Variants in ZNF407 observed in about 807,000 individuals in gnomAD.
ZNF407 encodes the protein zinc finger protein 407.
Under a neutral mutation model 131.2 loss-of-function variants are expected in ZNF407, and 17 were observed. That is an observed-to-expected ratio of 0.13 (90% CI 0.09 to 0.19). ZNF407 has a LOEUF of 0.19. Among genes scored for constraint, ZNF407 ranks in the 10% least tolerant of loss-of-function variants. The pLI, the probability that ZNF407 is intolerant of heterozygous loss-of-function variation, is 1.00. For missense variants in ZNF407, 2,681 were observed against 2,830.6 expected (o/e 0.95, Z 1.20); for synonymous variants, 1,156 against 1,062.0 (o/e 1.09, Z -1.72).
chr18:74,935,858 G>T (rs1052977109), intron 8 of ZNF407, among the ~76,000 whole-genome samples: 1 of 152,164 alleles, frequency 6.6e-6, no homozygotes, highest in Non-Finnish European at 1.5e-5. Flanking sequence ...AGAAGAGGCT[G>T]AATAATACTT....
intron 4 of ZNF407, among the ~76,000 whole-genome samples, chr18:74,800,688 C>T (rs1970004841): frequency 6.6e-6 from 1 of 152,106 alleles, no homozygotes; most frequent in African/African-American, 2.4e-5. Context: ...TCATTGGAAG[C>T]ATATATAAAC....
At position 74,635,105 on chromosome 18, in the gene ZNF407, A is replaced by G. The variant is rs770689517; in HGVS notation, c.4086A>G (p.Arg1362=). The change falls in exon 2 of 9, where the codon AGA becomes AGG. Residue 1362 remains arginine, a synonymous_variant. Transcript: ENST00000299687. This position sits in a 1 kb window ranked among gnomAD's most constrained non-coding sequence, Gnocchi z 4.7. ...SFGRFDSSII[R]IKNPEDGELI... is the part of the protein sequence containing the mutation. ...GTCGATTTGACTCCTCCATAATAAG[A>G]ATAAAGAACCCTGAAGATGGTGAGT... The G allele has an allele frequency of 5.0e-6, 8 of 1,613,932 alleles. No homozygotes were observed. The South Asian group carries it at 6.6e-5, about 13-fold the overall frequency.
intron 3 of ZNF407, among the ~76,000 whole-genome samples, chr18:74,685,849 C>G (rs1274651797): frequency 6.6e-6 from 1 of 152,144 alleles, no homozygotes; most frequent in Non-Finnish European, 1.5e-5. Context: ...TTCCCTTTGC[C>G]CCCATGGCAT....
intron 8 of ZNF407, among the ~76,000 whole-genome samples, chr18:75,014,801 A>G (rs1384511264): frequency 1.3e-5 from 2 of 152,108 alleles, no homozygotes; most frequent in African/African-American, 4.8e-5. Context: ...TTTCTTTAAA[A>G]CACTTAAGAA....
rs373243778 is a variant in ZNF407, at chr18:74,634,740, G to A, written c.3721G>A (p.Gly1241Arg). 3 of 1,613,950 alleles carry A rather than the reference G, an allele frequency of 1.9e-6. No homozygotes were observed. Among genetic ancestry groups the A allele is most frequent in the South Asian group, 2.2e-5 (2 of 91,092 alleles). ...TGAAGGAGGAAACGCAGGAGACGGT[G>A]GAGGTGTTGTCCCCCACAGACACCT... is the stretch of plus-strand genomic sequence containing the variant. ...EGEGGNAGDG[G>R]GVVPHRHLCP... The change falls in exon 2 of 9, where the codon GGA becomes AGA. Residue 1241 changes from glycine (G) to arginine (R), a missense_variant. Gly to Arg is a moderately radical substitution (Grantham distance 125). Coordinates refer to ENST00000299687, the MANE Select transcript of ZNF407 (RefSeq NM_017757.3).
intron 8 of ZNF407, among the ~76,000 whole-genome samples, chr18:74,932,174 A>G (rs151207589): frequency 1.1e-4 from 17 of 152,320 alleles, no homozygotes; most frequent in Non-Finnish European, 2.5e-4. Context: ...ATTACACTTT[A>G]CATTTAGTTC....
rs773939698 is a variant in ZNF407 at position 74,776,944 on chromosome 18, G to A, written c.4803-4484G>A. Among the ~76,000 whole-genome samples, 29 of 152,306 alleles carry A rather than the reference G, an allele frequency of 1.9e-4. No individual in the cohort carries two copies. In the Middle Eastern group the frequency reaches 0.027, roughly 143 times the overall value. On this transcript the variant is annotated intron_variant, in intron 3 of 8. Transcript: ENST00000299687. ...TTCATCCTTTTGATCGTCGCATTAA[G>A]TGGGCTGAGGAGTAGGAGGGAGAGG...
chr18:74,853,754 C>G (rs995728374), intron 4 of ZNF407, among the ~76,000 whole-genome samples: 3 of 152,068 alleles, frequency 2.0e-5, no homozygotes, highest in African/African-American at 7.2e-5. Flanking sequence ...ACTGTGTACC[C>G]ACCCAGCAAT....
intron 1 of ZNF407, among the ~76,000 whole-genome samples, chr18:74,606,337 T>C (rs1568311534): frequency 6.6e-6 from 1 of 152,250 alleles, no homozygotes; most frequent in Non-Finnish European, 1.5e-5. Flanking sequence ...AGAACTATTA[T>C]GAAGAAAATC....
At chr18:74,948,321 A>C (rs900302601) in intron 8 of ZNF407, among the ~76,000 whole-genome samples, 1 of 152,192 alleles carries the variant, frequency 6.6e-6, no homozygotes, top group Non-Finnish European at 1.5e-5. Flanking sequence ...CGTTAATACA[A>C]GTTGTCCACT....
At chr18:75,032,833 A>G in intron 8 of ZNF407, among the ~76,000 whole-genome samples, 1 of 142,424 alleles carries the variant, frequency 7.0e-6, no homozygotes, top group African/African-American at 2.7e-5. Context: ...AGTATTAGAT[A>G]ACTAAGAGTG....
At chr18:75,033,467 A>G (rs1468370642) in intron 8 of ZNF407, among the ~76,000 whole-genome samples, 1 of 152,236 alleles carries the variant, frequency 6.6e-6, no homozygotes, top group Non-Finnish European at 1.5e-5. Flanking sequence ...ACCCTTTAGT[A>G]CAAACAACAA....
intron 3 of ZNF407, among the ~76,000 whole-genome samples, chr18:74,663,807 C>T (rs765055256): frequency 5.3e-5 from 8 of 152,120 alleles, no homozygotes; most frequent in Non-Finnish European, 7.3e-5. Context: ...ATTAGACAAA[C>T]GGAGGTACAC....
chr18:74,643,146 T>TA (rs1054850484), intron 3 of ZNF407, among the ~76,000 whole-genome samples: 6 of 151,978 alleles, frequency 3.9e-5, no homozygotes, highest in African/African-American at 1.4e-4. Context: ...GTAAAAAACA[T>TA]AAAAAAGTGC....
intron 1 of ZNF407, among the ~76,000 whole-genome samples, chr18:74,617,660 T>G (rs1983374513): frequency 6.6e-6 from 1 of 152,158 alleles, no homozygotes; most frequent in Non-Finnish European, 1.5e-5. Context: ...GTCATGCCCT[T>G]CTCAGGGGGT....
At chr18:74,987,790 G>A (rs1036288001) in intron 8 of ZNF407, among the ~76,000 whole-genome samples, 21 of 152,132 alleles carry the variant, frequency 1.4e-4, no homozygotes, top group East Asian at 3.9e-4. Context: ...ACAAAACACC[G>A]CTTAGAGGAG....
chr18:74,992,604 G>A (rs1288440985), intron 8 of ZNF407, among the ~76,000 whole-genome samples: 2 of 152,212 alleles, frequency 1.3e-5, no homozygotes, highest in Non-Finnish European at 2.9e-5. Flanking sequence ...GGCTGTGAGC[G>A]TCACGGAAGG....
intron 3 of ZNF407, among the ~76,000 whole-genome samples, chr18:74,659,165 CATT>C (rs1985607454): frequency 6.6e-6 from 1 of 152,034 alleles, no homozygotes; most frequent in South Asian, 2.1e-4. Flanking sequence ...GTAAATATAT[CATT>C]GTGGTTTAGA....
At chr18:74,773,660 T>C (rs1188949621) in intron 3 of ZNF407, among the ~76,000 whole-genome samples, 27 of 152,244 alleles carry the variant, frequency 1.8e-4, no homozygotes, top group Admixed American at 1.7e-3. Context: ...GTAATGTATT[T>C]TGTACCACCA....
Sources: gnomAD v4.1 joint callset for allele counts (sites outside exome capture counted in the v4.1 genomes callset) on GRCh38, gnomAD v4.1.1 for gene constraint, Gnocchi (gnomAD v3.1) non-coding constraint, MANE v1.5 for transcripts, NCBI Gene and HGNC (gene_info 2026-07-23, HGNC 2026-07-21) for gene names.